The following FDX1 variants were observed in gnomAD, a reference collection of about 807,000 sequenced individuals.
FDX1 encodes the protein adrenodoxin, mitochondrial.
Under a neutral mutation model 14.9 loss-of-function variants are expected in FDX1, and 9 were observed. The ratio of observed to expected loss-of-function variants is 0.60; its 90% CI spans 0.36 to 1.05. The LOEUF (loss-of-function observed/expected upper bound fraction) is 1.05, where lower values mean the gene tolerates loss of function less well. Ranked by LOEUF, FDX1 falls within the 50% of genes least tolerant of loss-of-function variation. The pLI is 0.01. For synonymous variants in FDX1, 92 were observed against 99.4 expected, an observed-to-expected ratio of 0.93 and a Z score of 0.44; for missense variants, 204 against 237.2, an observed-to-expected ratio of 0.86 and a Z score of 0.92.
At chr11:110,440,233 T>G (rs1946397026) in intron 2 of FDX1, among the ~76,000 whole-genome samples, 1 of 152,200 alleles carries the variant, frequency 6.6e-6, no homozygotes, top group African/African-American at 2.4e-5. Context: ...ACTTTTGGTT[T>G]TGTTGATCCT....
intron 2 of FDX1, among the ~76,000 whole-genome samples, chr11:110,437,894 TC>T (rs1411470643): frequency 1.3e-5 from 2 of 152,244 alleles, no homozygotes; most frequent in Non-Finnish European, 2.9e-5. Flanking sequence ...ACTTTGCTTT[TC>T]TGGTTCTGTG....
At chr11:110,459,457 G>A (rs1282631675) in intron 3 of FDX1, among the ~76,000 whole-genome samples, 1 of 152,182 alleles carries the variant, frequency 6.6e-6, no homozygotes, top group African/African-American at 2.4e-5. Flanking sequence ...TGTAGGTGGG[G>A]AAACAAGGTT....
intron 1 of FDX1, among the ~76,000 whole-genome samples, chr11:110,432,046 T>C (rs146124677): frequency 1.9e-3 from 286 of 152,366 alleles, no homozygotes; most frequent in African/African-American, 6.3e-3. Flanking sequence ...CACATGTGGC[T>C]AGTGGCTACT....
intron 2 of FDX1, among the ~76,000 whole-genome samples, chr11:110,437,564 T>C (rs1946378379): frequency 6.6e-6 from 1 of 152,194 alleles, no homozygotes; most frequent in Non-Finnish European, 1.5e-5. Flanking sequence ...TGATTAGTGA[T>C]GTTGAACATT....
chr11:110,437,877 T>A (rs975857090), intron 2 of FDX1, among the ~76,000 whole-genome samples: 1 of 152,230 alleles, frequency 6.6e-6, no homozygotes, highest in Non-Finnish European at 1.5e-5. Flanking sequence ...CACTTATAAG[T>A]GAGAACACTT....
chr11:110,444,435 G>T (rs1454839625), intron 2 of FDX1, among the ~76,000 whole-genome samples: 3 of 151,484 alleles, frequency 2.0e-5, no homozygotes, highest in African/African-American at 7.3e-5. Context: ...GGCCAACATG[G>T]TGAAGCCCCA....
intron 2 of FDX1, among the ~76,000 whole-genome samples, chr11:110,441,250 A>G (rs1289642227): frequency 6.6e-6 from 1 of 152,216 alleles, no homozygotes; most frequent in East Asian, 1.9e-4. Flanking sequence ...AATAAAGCAA[A>G]TTGGTACGAG....
At chr11:110,442,175 G>T (rs549233497) in intron 2 of FDX1, among the ~76,000 whole-genome samples, 1 of 152,270 alleles carries the variant, frequency 6.6e-6, no homozygotes, top group East Asian at 1.9e-4. Context: ...TGCAGGGCAG[G>T]GCTCTCATGG....
At chr11:110,453,751 G>T (rs925722367) in intron 2 of FDX1, among the ~76,000 whole-genome samples, 2 of 151,952 alleles carry the variant, frequency 1.3e-5, no homozygotes, top group Non-Finnish European at 2.9e-5. Context: ...TTTTCTTTGA[G>T]CCCTGACCAT....
intron 1 of FDX1, among the ~76,000 whole-genome samples, chr11:110,434,972 C>G (rs1241109491): frequency 6.6e-6 from 1 of 151,878 alleles, no homozygotes; most frequent in African/African-American, 2.4e-5. Flanking sequence ...TCAGGCTGGT[C>G]TCAAACTCCT....
At chr11:110,436,581 A>T (rs978201035) in intron 2 of FDX1, among the ~76,000 whole-genome samples, 1 of 89,696 alleles carries the variant, frequency 1.1e-5, no homozygotes. Flanking sequence ...TCCCCCACCC[A>T]CCGCCCCCAC....
rs1050345379 is a variant in FDX1, at chr11:110,430,030, T to G, written c.-91T>G. On this transcript the variant is annotated 5_prime_UTR_variant, in exon 1 of 4. Coordinates refer to ENST00000260270, the MANE Select transcript of FDX1 (RefSeq NM_004109.5). ...CCCCTCGCCGCGGCCCTCGGGCGTC[T>G]GCGCCGCAGCTGCCGCCCCCGCCTC... is the stretch of plus-strand genomic sequence containing the variant. The G allele has an allele frequency of 6.1e-6, 6 of 977,724 alleles. No individual in the cohort carries two copies. The Admixed American group carries it at 1.8e-4, about 30-fold the overall frequency. The allele number at this position is 977,724 out of a possible 1,614,324, so 60.6% of individuals were successfully genotyped here. A position where few individuals can be genotyped will look rare whatever the true frequency, so the allele number is the denominator to read the frequency against.
intron 2 of FDX1, among the ~76,000 whole-genome samples, chr11:110,438,255 TTAAG>T (rs1211832579): frequency 2.3e-4 from 35 of 152,208 alleles, no homozygotes; most frequent in African/African-American, 8.4e-4. Context: ...CAGGACTGTC[TTAAG>T]TGTTTCCTTT....
At chr11:110,456,445 A>G (rs1946522077) in intron 2 of FDX1, among the ~76,000 whole-genome samples, 1 of 150,326 alleles carries the variant, frequency 6.7e-6, no homozygotes, top group African/African-American at 2.5e-5. Context: ...ATGCGTGTGC[A>G]TGTGGCAGGA....
chr11:110,440,075 A>G (rs1283755853), intron 2 of FDX1, among the ~76,000 whole-genome samples: 2 of 152,114 alleles, frequency 1.3e-5, no homozygotes, highest in African/African-American at 4.8e-5. Flanking sequence ...GGTGCTGATA[A>G]TAGTCTCTAG....
intron 2 of FDX1, among the ~76,000 whole-genome samples, chr11:110,453,580 A>G (rs562465079): frequency 1.4e-5 from 2 of 147,984 alleles, no homozygotes; most frequent in Admixed American, 1.3e-4. Context: ...CCTCCTAAAT[A>G]CCCTTTTTGG....
Position 110,444,799 on chromosome 11 carries a change from G to A in FDX1, c.310+8841G>A, listed in dbSNP as rs555066887. Among the ~76,000 whole-genome samples, 13 of 143,642 alleles carry A rather than the reference G, an allele frequency of 9.1e-5. No homozygotes were observed. The East Asian group carries it at 2.4e-3, about 27-fold the overall frequency. 94.2% of individuals were successfully genotyped at this position (143,642 alleles called of 152,430 possible). A position where few individuals can be genotyped will look rare whatever the true frequency, so the allele number is the denominator to read the frequency against. On this transcript the variant is annotated intron_variant, in intron 2 of 3. Coordinates refer to ENST00000260270, the MANE Select transcript of FDX1 (RefSeq NM_004109.5). ...AACAACCTCTGAGCTGCCTCACTCT[G>A]GGCACACTGCCTATGGGATAGCTGT...
At chr11:110,446,855 A>G (rs1423345974) in intron 2 of FDX1, among the ~76,000 whole-genome samples, 1 of 152,212 alleles carries the variant, frequency 6.6e-6, no homozygotes, top group Non-Finnish European at 1.5e-5. Flanking sequence ...GTCCTAACAG[A>G]AATCAGACAT....
intron 2 of FDX1, among the ~76,000 whole-genome samples, chr11:110,436,634 C>A (rs1946372015): frequency 8.1e-6 from 1 of 124,114 alleles, no homozygotes; most frequent in African/African-American, 3.0e-5. Context: ...GGGGTAGGTC[C>A]AGCATTGCAT....
Sources: allele counts gnomAD v4.1 joint callset (sites outside exome capture counted in the v4.1 genomes callset), GRCh38; gene constraint gnomAD v4.1.1; transcripts MANE v1.5; gene names NCBI Gene and HGNC (gene_info 2026-07-23, HGNC 2026-07-21).